ARHGAP9: variants seen among roughly 807,000 people sequenced by gnomAD.
ARHGAP9 encodes the protein rho GTPase-activating protein 9.
A neutral mutation model predicts 87.3 loss-of-function variants in ARHGAP9; 76 were observed. The ratio of observed to expected loss-of-function variants is 0.87; its 90% CI spans 0.72 to 1.05. ARHGAP9 has a LOEUF of 1.05. Ranked by LOEUF, ARHGAP9 falls within the 50% of genes least tolerant of loss-of-function variation. ARHGAP9 has a pLI of 0.00. For missense variants in ARHGAP9, 941 were observed against 960.5 expected (o/e 0.98, Z 0.27); for synonymous variants, 382 against 394.9 (o/e 0.97, Z 0.39).
Position 57,475,617 on chromosome 12 carries a change from T to G in ARHGAP9, c.1312-2A>C. On this transcript the variant is annotated splice_acceptor_variant, in intron 10 of 17. Transcript: ENST00000393791. LOFTEE classifies it high-confidence loss of function. ...CAGCTCCAGGGGGTTCTCCCGATCC[T>G]AGACCCGGGGCGGGCCGTGTCGAAG... The G allele has an allele frequency of 6.2e-7, 1 of 1,610,194 alleles. No individual in the cohort carries two copies. The highest frequency in any genetic ancestry group is 8.5e-7 in the Non-Finnish European group (1 of 1,178,376).
chr12:57,472,649 G>A lies in ARHGAP9; in HGVS notation c.2064C>T (p.His688=), dbSNP rs1872210951. 1.9e-6 allele frequency: 3 copies of A among 1,614,228 alleles called. No individual in the cohort carries two copies. The highest frequency in any genetic ancestry group is 2.5e-6 in the Non-Finnish European group (3 of 1,180,050). Reference sequence around the variant, plus strand: ...TTGGTCCAAACACAATTCCCAGGTTGTGGGGTGTCATGCGATTCTTATCTG... The same window carrying A: ...TTGGTCCAAACACAATTCCCAGGTTATGGGGTGTCATGCGATTCTTATCTG... ...AHSDKNRMTP[H]NLGIVFGPTL... Residue 688 remains histidine, a synonymous_variant, in exon 18 of 18, where the codon CAC becomes CAT. Transcript: ENST00000393791.
At chr12:57,480,824 T>C (rs1316299474), upstream of ARHGAP9, 21 of 1,550,432 alleles carry the variant, frequency 1.4e-5, no homozygotes, top group Admixed American at 2.0e-5. Flanking sequence ...CACTGCACAA[T>C]GTGAGGCTTT....
Position 57,474,231 on chromosome 12 carries a change from T to C in ARHGAP9, c.1784-55A>G. The C allele has an allele frequency of 1.9e-6, 3 of 1,593,530 alleles. No individual in the cohort carries two copies. The Admixed American group carries it at 5.2e-5, about 28-fold the overall frequency. On this transcript the variant is annotated intron_variant, in intron 15 of 17. Transcript: ENST00000393791. ...TGAAGGGCCAGAAAGATTTAGAGAC[T>C]GAGAGATTAGAAGTTCTGGAGAAAT...
intron 3 of ARHGAP9, 48 bp from the exon 4 acceptor site, chr12:57,477,728 T>A (rs763758762): frequency 3.1e-6 from 5 of 1,598,132 alleles, no homozygotes; most frequent in Middle Eastern, 1.7e-4. Flanking sequence ...CCTGTTGCCC[T>A]TCCCATGCTT....
chr12:57,478,681 C>A lies in ARHGAP9; in HGVS notation c.393G>T (p.Gln131His). The change falls in exon 3 of 18, where the codon CAG becomes CAT. Residue 131 changes from glutamine to histidine, a missense_variant. Physicochemically the swap from Gln to His is conservative, Grantham distance 24 (BLOSUM62 0). Coordinates refer to ENST00000393791, the MANE Select transcript of ARHGAP9 (RefSeq NM_032496.4). ...LPSRAQASSE[Q>H]PPPLPRKMCR... Reference sequence around the variant, plus strand: ...ACATTTTGCGGGGAAGTGGAGGAGGCTGCTCCGAGCTAGCCTGAGCCCTGC... The same window carrying A: ...ACATTTTGCGGGGAAGTGGAGGAGGATGCTCCGAGCTAGCCTGAGCCCTGC... 1 of 1,614,146 alleles carries A rather than the reference C, an allele frequency of 6.2e-7. No homozygotes were observed. The highest frequency in any genetic ancestry group is 8.5e-7 in the Non-Finnish European group (1 of 1,180,018).
Position 57,475,504 on chromosome 12 carries a change from G to A in ARHGAP9, c.1423C>T (p.Leu475Phe). The stretch of plus-strand genomic sequence containing the variant: ...TCACTGGAGCTCCGGCGGCTGCTGA[G>A]GCGCAGCAGCGGCTTGGACACCAGC... The part of the protein sequence containing the change: ...SELVSKPLLR[L>F]SSRRSSIRGP... The change falls in exon 11 of 18, where the codon CTC (leucine) becomes TTC (phenylalanine). Residue 475 changes from leucine to phenylalanine, a missense_variant. Physicochemically the swap from Leu to Phe is conservative, Grantham distance 22 (BLOSUM62 0). Coordinates refer to ENST00000393791, the MANE Select transcript of ARHGAP9 (RefSeq NM_032496.4). 4 of 1,605,672 alleles carry A rather than the reference G, an allele frequency of 2.5e-6. No individual in the cohort carries two copies. Among genetic ancestry groups the A allele is most frequent in the Middle Eastern group, 1.7e-4 (1 of 5,970 alleles).
At position 57,474,064 on chromosome 12, in the gene ARHGAP9, C is replaced by A. The variant is rs1398009587; in HGVS notation, c.1896G>T (p.Leu632=). The A allele has an allele frequency of 6.2e-7, 1 of 1,613,932 alleles. No homozygotes were observed. The highest frequency in any genetic ancestry group is 1.1e-5 in the South Asian group (1 of 91,018). ...TACCAAGGGCAGCACGGAAATGGGG[C>A]AGCAGCAGTGGTGGCACCAGAGGCT... ...LPQPLVPPLL[L]PHFRAALALS... Residue 632 remains leucine (L), a synonymous_variant, in exon 16 of 18, where the codon CTG becomes CTT. Coordinates refer to ENST00000393791, the MANE Select transcript of ARHGAP9 (RefSeq NM_032496.4).
intron 1 of ARHGAP9, chr12:57,488,540 A>G: frequency 1.3e-6 from 2 of 1,538,724 alleles, no homozygotes; most frequent in Non-Finnish European, 1.8e-6. Flanking sequence ...GACAGCCCCC[A>G]GGCACCCTTT....
chr12:57,474,801 G>A, intron 13 of ARHGAP9, 74 bp downstream of exon 13: 1 of 1,605,462 alleles, frequency 6.2e-7, no homozygotes, highest in Admixed American at 1.7e-5. Context: ...GGAAGACTAG[G>A]TAGAATGGGG....
At chr12:57,480,822 A>G, upstream of ARHGAP9, 1 of 1,550,458 alleles carries the variant, frequency 6.4e-7, no homozygotes. Context: ...TCCACTGCAC[A>G]ATGTGAGGCT....
chr12:57,474,091 G>C lies in ARHGAP9; in HGVS notation c.1869C>G (p.Pro623=). The C allele has an allele frequency of 4.3e-6, 7 of 1,614,120 alleles. No individual in the cohort carries two copies. The highest frequency in any genetic ancestry group is 5.9e-6 in the Non-Finnish European group (7 of 1,180,008). The change falls in exon 16 of 18, where the codon CCC becomes CCG. Residue 623 remains proline, a synonymous_variant. Coordinates refer to ENST00000393791, the MANE Select transcript of ARHGAP9 (RefSeq NM_032496.4). ...GCAGCAGTGGTGGCACCAGAGGCTG[G>C]GGCAGCTCCCGGAGAAAAAGCTTCA... ...GALKLFLREL[P]QPLVPPLLLP... is the part of the protein sequence containing the mutation.
chr12:57,473,029 G>C (rs1028526980), intron 17 of ARHGAP9, among the ~76,000 whole-genome samples: 6 of 152,286 alleles, frequency 3.9e-5, no homozygotes, highest in African/African-American at 1.4e-4. Flanking sequence ...TGTCCCAATG[G>C]GAGACAAAGA....
chr12:57,472,455 A>T lies in ARHGAP9; in HGVS notation c.*62T>A. ...ATTTAAAGGGATATCCTCAAAACAG[A>T]ACACCAGCCTCTCACCACCAGAGAT... On this transcript the variant is annotated 3_prime_UTR_variant, in exon 18 of 18. Transcript: ENST00000393791. 1 of 1,555,276 alleles carries T rather than the reference A, an allele frequency of 6.4e-7. No individual in the cohort carries two copies. The highest frequency in any genetic ancestry group is 8.7e-7 in the Non-Finnish European group (1 of 1,149,314).
Position 57,487,043 on chromosome 12 carries a change from C to G in ARHGAP9, c.-204+1569G>C, listed in dbSNP as rs368506799. On this transcript the variant is annotated intron_variant, in intron 1 of 20. Coordinates refer to the ARHGAP9 transcript ENST00000393797. ...CCAGGCTGGAGTGCAATGGCGCGGT[C>G]TCGGCTCACTGCAACCTCCGCTTCC... Among the ~76,000 whole-genome samples, 44 of 151,836 alleles carry G rather than the reference C, an allele frequency of 2.9e-4. 1 individual carries two copies. The highest frequency in any genetic ancestry group is 1.1e-3 in the African/African-American group (44 of 41,416).
At chr12:57,478,167 C>A (rs1301526937) in intron 3 of ARHGAP9, 2 of 310,038 alleles carry the variant, frequency 6.5e-6, no homozygotes, top group Non-Finnish European at 1.2e-5. Context: ...AAACCCTGCC[C>A]TGGGCTAGGA....
At position 57,475,947 on chromosome 12, in the gene ARHGAP9, G is replaced by C. The variant is rs367977478; in HGVS notation, c.1213-16C>G. On this transcript the variant is annotated splice_polypyrimidine_tract_variant and intron_variant, in intron 9 of 17. Coordinates refer to ENST00000393791, the MANE Select transcript of ARHGAP9 (RefSeq NM_032496.4). ...TCGTGCGGATCTGAGGGCCAGGCAA[G>C]GAAACGCTCGGGTCAACGGGAAGGA... 1 of 1,608,306 alleles carries C rather than the reference G, an allele frequency of 6.2e-7. No homozygotes were observed. The highest frequency in any genetic ancestry group is 1.3e-5 in the African/African-American group (1 of 74,772).
At position 57,475,873 on chromosome 12, in the gene ARHGAP9, CG is replaced by C. The variant is rs1873451871; in HGVS notation, c.1270del (p.Arg424GlufsTer32). ...AGTCCGCAGCGCGCGGTGCCAGGCT[CG>C]CAGCTCTGTCTCGTGGTCCGACTGC... The part of the protein sequence containing the change: ...LLQSDHETEL[R>X]AWHRALRTVI... On this transcript the variant is annotated frameshift_variant, in exon 10 of 18. Transcript: ENST00000393791. LOFTEE classifies it high-confidence loss of function. 6.2e-7 allele frequency: 1 copy of C among 1,613,946 alleles called. No homozygotes were observed. The highest frequency in any genetic ancestry group is 8.5e-7 in the Non-Finnish European group (1 of 1,179,920).
chr12:57,476,106 C>T lies in ARHGAP9; in HGVS notation c.1177G>A (p.Gly393Ser), dbSNP rs945194378. The T allele has an allele frequency of 4.7e-5, 72 of 1,540,028 alleles. No individual in the cohort carries two copies. The highest frequency in any genetic ancestry group is 6.1e-5 in the Non-Finnish European group (70 of 1,143,812). The change falls in exon 9 of 18, where the codon GGC becomes AGC. Residue 393 changes from glycine to serine, a missense_variant. By Grantham distance (56) the Gly-to-Ser change is moderately conservative. Coordinates refer to ENST00000393791, the MANE Select transcript of ARHGAP9 (RefSeq NM_032496.4). Reference protein sequence around the residue: ...VDLRGAALAHGRHLSSRRNVL... With the variant: ...VDLRGAALAHSRHLSSRRNVL... ...TTGCGGCGGCTGGACAGGTGGCGGC[C>T]GTGCGCCAGGGCCGCCCCGCGCAGG...
In ARHGAP9 at chr12:57,477,389, C is replaced by A; in HGVS notation, c.756+70G>T. Reference sequence around the variant, plus strand: ...CTGAGAGCCCCGGAGAGAAAACACACTACCTTGAGGTTCATCAGGGGAAGG... The same window carrying A: ...CTGAGAGCCCCGGAGAGAAAACACAATACCTTGAGGTTCATCAGGGGAAGG... On this transcript the variant is annotated intron_variant, in intron 4 of 17. Coordinates refer to ENST00000393791, the MANE Select transcript of ARHGAP9 (RefSeq NM_032496.4). The A allele has an allele frequency of 1.9e-6, 3 of 1,560,886 alleles. No homozygotes were observed. In the South Asian group the frequency reaches 3.4e-5, roughly 18 times the overall value.
Sources: allele counts gnomAD v4.1 joint callset (sites outside exome capture counted in the v4.1 genomes callset), GRCh38; gene constraint gnomAD v4.1.1; transcripts MANE v1.5; gene names NCBI Gene and HGNC (gene_info 2026-07-23, HGNC 2026-07-21).